The following MYT1L variants were observed in gnomAD, a reference collection of about 807,000 sequenced individuals.
MYT1L encodes myelin transcription factor 1-like protein.
Under a neutral mutation model 126.7 loss-of-function variants are expected in MYT1L, and 12 were observed. The observed-to-expected ratio is 0.09, with a 90% confidence interval of 0.06 to 0.15. The LOEUF (loss-of-function observed/expected upper bound fraction) is 0.15. Among genes scored for constraint, MYT1L ranks in the 10% least tolerant of loss-of-function variants. The probability of loss-of-function intolerance (pLI) is 1.00; values close to 1 mark genes in which losing one functional copy is unlikely to be tolerated. For synonymous variants in MYT1L, 541 were observed against 604.2 expected, an observed-to-expected ratio of 0.90 and a Z score of 1.53; for missense variants, 979 against 1,585.2, an observed-to-expected ratio of 0.62 and a Z score of 6.49.
chr2:2,310,740 A>G (rs1456125675), intron 1 of MYT1L, among the ~76,000 whole-genome samples: 1 of 152,216 alleles, frequency 6.6e-6, no homozygotes, highest in African/African-American at 2.4e-5. Context: ...AAACAATTAT[A>G]CAGTTATCTA....
intron 2 of MYT1L, among the ~76,000 whole-genome samples, chr2:2,190,661 T>A (rs2092542005): frequency 6.6e-6 from 1 of 152,150 alleles, no homozygotes; most frequent in Non-Finnish European, 1.5e-5. Context: ...GGGCACTTTT[T>A]AAACATCTCA....
Position 2,173,819 on chromosome 2 carries a change from A to G in MYT1L, c.-420-831T>C, listed in dbSNP as rs116228655. 3.2e-3 allele frequency among the ~76,000 whole-genome samples: 489 copies of G among 152,308 alleles called. 3 individuals carry two copies. The highest frequency in any genetic ancestry group is 0.012 in the African/African-American group (479 of 41,576). On this transcript the variant is annotated intron_variant, in intron 2 of 24. Transcript: ENST00000647738. Reference sequence around the variant, plus strand: ...TCAGTGAAGTGTGTCAGGAGAACGAAGAGACCCTGAGGGGCTCCCCATGCT... The same window carrying G: ...TCAGTGAAGTGTGTCAGGAGAACGAGGAGACCCTGAGGGGCTCCCCATGCT...
chr2:2,230,731 G>A (rs560496074), intron 2 of MYT1L, among the ~76,000 whole-genome samples: 7 of 152,284 alleles, frequency 4.6e-5, no homozygotes, highest in Admixed American at 6.5e-5. Context: ...TGTCTCAAGC[G>A]GGCTGCACAC....
At chr2:1,971,858 C>CA (rs1355503228) in intron 8 of MYT1L, among the ~76,000 whole-genome samples, 2 of 152,196 alleles carry the variant, frequency 1.3e-5, no homozygotes, top group African/African-American at 4.8e-5. Flanking sequence ...CTCTGAGCAA[C>CA]AGCAAGCCTG....
intron 23 of MYT1L, 39 bp from the exon 24 acceptor site, chr2:1,792,503 G>T: frequency 6.3e-7 from 1 of 1,589,108 alleles, no homozygotes. Context: ...AACACCAGGA[G>T]GACCTAGGAG....
chr2:2,257,391 T>G (rs1245026661), intron 2 of MYT1L, among the ~76,000 whole-genome samples: 2 of 152,144 alleles, frequency 1.3e-5, no homozygotes, highest in Non-Finnish European at 2.9e-5. Context: ...CCTTGAAAGA[T>G]CCAATCTTGG....
At chr2:2,084,474 C>T (rs150908044) in intron 3 of MYT1L, among the ~76,000 whole-genome samples, 155 of 152,308 alleles carry the variant, frequency 1.0e-3, no homozygotes, top group African/African-American at 3.4e-3. Flanking sequence ...ACCCCACTGC[C>T]CCTTGTGTTT....
intron 9 of MYT1L, among the ~76,000 whole-genome samples, chr2:1,932,531 T>C (rs541511037): frequency 6.6e-6 from 1 of 152,336 alleles, no homozygotes; most frequent in Non-Finnish European, 1.5e-5. Flanking sequence ...CTTGTAGTCA[T>C]GGCTGTTCCA....
At chr2:2,033,052 C>T (rs1248186141) in intron 4 of MYT1L, among the ~76,000 whole-genome samples, 80 of 119,810 alleles carry the variant, frequency 6.7e-4, no homozygotes, top group African/African-American at 2.0e-3. Flanking sequence ...GAGGGCCTTA[C>T]ACACACCCCT....
rs144252293 is a variant in MYT1L, at chr2:2,152,704, G to T, written c.-304+20168C>A. On this transcript the variant is annotated intron_variant, in intron 3 of 24. Transcript: ENST00000647738. ...AGGGGCCTGATAATCATAGCCCTTGGACATGTTAAATAATTCAATTCTACT... is the reference window on the plus strand; with the variant it reads ...AGGGGCCTGATAATCATAGCCCTTGTACATGTTAAATAATTCAATTCTACT... Among the ~76,000 whole-genome samples the T allele has an allele frequency of 1.3e-3, 197 of 152,298 alleles. 1 individual carries two copies. Among genetic ancestry groups the T allele is most frequent in the African/African-American group, 4.5e-3 (185 of 41,560 alleles).
intron 21 of MYT1L, among the ~76,000 whole-genome samples, chr2:1,819,994 A>G (rs1323098158): frequency 2.0e-5 from 3 of 150,896 alleles, no homozygotes; most frequent in African/African-American, 7.3e-5. Flanking sequence ...GCTCACTGGC[A>G]GCAGCCTGGA....
intron 2 of MYT1L, among the ~76,000 whole-genome samples, chr2:2,209,570 G>T (rs2093431747): frequency 6.6e-6 from 1 of 152,156 alleles, no homozygotes; most frequent in Non-Finnish European, 1.5e-5. Context: ...TCTTGTAAAA[G>T]ACAGAATCTC....
At chr2:2,078,030 G>C (rs370304625) in intron 3 of MYT1L, among the ~76,000 whole-genome samples, 56 of 152,156 alleles carry the variant, frequency 3.7e-4, no homozygotes, top group African/African-American at 1.3e-3. Context: ...AATTTGTATA[G>C]CAATAATAGG....
chr2:1,866,662 G>GCA (rs1451245572), intron 18 of MYT1L, among the ~76,000 whole-genome samples: 1 of 48,814 alleles, frequency 2.0e-5, no homozygotes, highest in South Asian at 7.4e-4. Flanking sequence ...AGAGAGAGAG[G>GCA]GAGAGGGAGG....
intron 4 of MYT1L, among the ~76,000 whole-genome samples, chr2:2,024,035 C>T (rs914952631): frequency 5.3e-5 from 8 of 152,128 alleles, no homozygotes; most frequent in African/African-American, 7.2e-5. Flanking sequence ...AGATATTTTA[C>T]GTTGATTTTT....
chr2:1,932,262 T>C (rs894185810), intron 9 of MYT1L, among the ~76,000 whole-genome samples: 2 of 152,192 alleles, frequency 1.3e-5, no homozygotes, highest in Non-Finnish European at 2.9e-5. Flanking sequence ...CCATGAGCCA[T>C]GTATTTACCT....
intron 5 of MYT1L, among the ~76,000 whole-genome samples, chr2:1,985,407 T>C (rs1228803103): frequency 6.6e-6 from 1 of 152,186 alleles, no homozygotes; most frequent in African/African-American, 2.4e-5. Context: ...CAACAGCACT[T>C]CTTCCTAGGA....
chr2:2,251,940 GAAA>G (rs35952095), intron 2 of MYT1L, among the ~76,000 whole-genome samples: 2 of 151,138 alleles, frequency 1.3e-5, no homozygotes, highest in African/African-American at 4.9e-5. Context: ...GAAAAGAAAA[GAAA>G]AAAAGGGAAC....
intron 2 of MYT1L, among the ~76,000 whole-genome samples, chr2:2,215,089 C>T (rs911775465): frequency 7.2e-5 from 11 of 151,858 alleles, no homozygotes; most frequent in African/African-American, 2.4e-4. Flanking sequence ...CATAATAAAC[C>T]TATGAAAGAA....
Sources: gnomAD v4.1 joint callset for allele counts (sites outside exome capture counted in the v4.1 genomes callset) on GRCh38, gnomAD v4.1.1 for gene constraint, MANE v1.5 for transcripts, NCBI Gene and HGNC (gene_info 2026-07-23, HGNC 2026-07-21) for gene names.